The following RAPGEF1 variants were observed in gnomAD, a reference collection of about 807,000 sequenced individuals.
RAPGEF1 encodes the protein CRK SH3-binding GNRP.
RAPGEF1 carries 33 observed loss-of-function variants against 143.3 expected under a neutral mutation model. The ratio of observed to expected loss-of-function variants is 0.23; its 90% CI spans 0.17 to 0.31. The LOEUF (loss-of-function observed/expected upper bound fraction) is 0.31. Among genes scored for constraint, RAPGEF1 ranks in the 10% least tolerant of loss-of-function variants. The pLI is 1.00. For synonymous variants in RAPGEF1, 629 were observed against 676.5 expected, an observed-to-expected ratio of 0.93 and a Z score of 1.09; for missense variants, 1,199 against 1,645.4, an observed-to-expected ratio of 0.73 and a Z score of 4.69.
intron 1 of RAPGEF1, among the ~76,000 whole-genome samples, chr9:131,718,285 T>C (rs1307714110): frequency 6.7e-6 from 1 of 150,208 alleles, no homozygotes; most frequent in African/African-American, 2.5e-5. Context: ...TGTCAGGGAG[T>C]GAGTTAAGGG....
intron 3 of RAPGEF1, among the ~76,000 whole-genome samples, chr9:131,648,799 A>T (rs1970349100): frequency 6.6e-6 from 1 of 151,904 alleles, no homozygotes; most frequent in African/African-American, 2.4e-5. Context: ...ATTTTCCTCC[A>T]CTTTTAACTA....
At chr9:131,631,161 T>A (rs1277411982) in intron 5 of RAPGEF1, among the ~76,000 whole-genome samples, 3 of 141,772 alleles carry the variant, frequency 2.1e-5, no homozygotes, top group Non-Finnish European at 4.8e-5. Flanking sequence ...CATACACTTT[T>A]GTGTCAACCT....
intron 1 of RAPGEF1, among the ~76,000 whole-genome samples, chr9:131,737,767 A>C (rs1414352709): frequency 6.6e-6 from 1 of 152,090 alleles, no homozygotes; most frequent in Non-Finnish European, 1.5e-5. Context: ...GATCGAGACC[A>C]TATTGGCTAA....
chr9:131,625,626 T>C (rs79224757), intron 10 of RAPGEF1, among the ~76,000 whole-genome samples: 14,756 of 152,246 alleles, frequency 0.097, 831 homozygotes, highest in Middle Eastern at 0.28. Context: ...TCTGTCACTG[T>C]GATCAGGCCA....
At chr9:131,623,201 T>C (rs1274555405) in intron 10 of RAPGEF1, among the ~76,000 whole-genome samples, 1 of 152,158 alleles carries the variant, frequency 6.6e-6, no homozygotes, top group East Asian at 1.9e-4. Flanking sequence ...CACTGGCTCA[T>C]GCCTACAATC....
chr9:131,678,277 G>A (rs983844532), intron 1 of RAPGEF1, among the ~76,000 whole-genome samples: 16 of 152,148 alleles, frequency 1.1e-4, no homozygotes, highest in African/African-American at 3.6e-4. Flanking sequence ...GATAGGTTTT[G>A]TCCATTAAAA....
At chr9:131,661,052 T>G (rs1437128945) in intron 1 of RAPGEF1, among the ~76,000 whole-genome samples, 1 of 151,960 alleles carries the variant, frequency 6.6e-6, no homozygotes, top group Admixed American at 6.6e-5. Flanking sequence ...ACACTATCGG[T>G]GTTGTGGATG....
At chr9:131,669,493 G>A (rs567790927) in intron 1 of RAPGEF1, among the ~76,000 whole-genome samples, 34 of 152,128 alleles carry the variant, frequency 2.2e-4, no homozygotes, top group Non-Finnish European at 3.5e-4. Flanking sequence ...ACATTTACAC[G>A]CAAAGCACTT....
At chr9:131,597,883 G>A (rs960090562) in intron 16 of RAPGEF1, among the ~76,000 whole-genome samples, 1 of 152,184 alleles carries the variant, frequency 6.6e-6, no homozygotes, top group African/African-American at 2.4e-5. Flanking sequence ...CCGGCCACAT[G>A]CAGGCTCTGT....
intron 1 of RAPGEF1, among the ~76,000 whole-genome samples, chr9:131,737,926 C>T (rs1034711682): frequency 6.6e-6 from 1 of 151,002 alleles, no homozygotes; most frequent in Non-Finnish European, 1.5e-5. Context: ...CGAGATCGCA[C>T]CACTGCACTC....
chr9:131,630,855 T>C (rs1964647890), intron 5 of RAPGEF1, among the ~76,000 whole-genome samples: 2 of 151,916 alleles, frequency 1.3e-5, no homozygotes, highest in African/African-American at 2.4e-5. Flanking sequence ...GAAATCACTT[T>C]AGAACCATTA....
intron 1 of RAPGEF1, among the ~76,000 whole-genome samples, chr9:131,720,505 C>T (rs927135025): frequency 2.6e-5 from 4 of 152,228 alleles, no homozygotes; most frequent in East Asian, 1.9e-4. Context: ...AGAAACCAGG[C>T]GCCAGAGCCC....
At position 131,650,401 on chromosome 9, in the gene RAPGEF1, G is replaced by C. The variant is rs933851584; in HGVS notation, c.202-159C>G. Among the ~76,000 whole-genome samples, 1 of 152,212 alleles carries C rather than the reference G, an allele frequency of 6.6e-6. No individual in the cohort carries two copies. Among genetic ancestry groups the C allele is most frequent in the African/African-American group, 2.4e-5 (1 of 41,442 alleles). On this transcript the variant is annotated intron_variant, in intron 2 of 26. Coordinates refer to ENST00000683357, the MANE Select transcript of RAPGEF1 (RefSeq NM_001377935.1). This position sits in a 1 kb window ranked among gnomAD's most constrained non-coding sequence, Gnocchi z 4.7. ...AGGACATCTTTGGCTGTGTCTCAAG[G>C]GGTTTGCATGTTTCAGAGCACAGGC...
chr9:131,661,000 C>T (rs1285896611), intron 1 of RAPGEF1, among the ~76,000 whole-genome samples: 1 of 152,184 alleles, frequency 6.6e-6, no homozygotes, highest in African/African-American at 2.4e-5. Context: ...ACTGAGCTAC[C>T]ACCACAAACA....
chr9:131,598,049 A>C, intron 16 of RAPGEF1, 150 bp downstream of exon 16: 1 of 661,830 alleles, frequency 1.5e-6, no homozygotes, highest in South Asian at 1.9e-5. Context: ...TCCAGAGCCC[A>C]CAGCCCAGAG....
chr9:131,710,720 C>T (rs772794618), intron 1 of RAPGEF1, among the ~76,000 whole-genome samples: 2 of 152,052 alleles, frequency 1.3e-5, no homozygotes, highest in African/African-American at 2.4e-5. Flanking sequence ...GAAACCCTGT[C>T]GCTACTAACA....
At chr9:131,659,327 C>CT (rs60835419) in intron 1 of RAPGEF1, among the ~76,000 whole-genome samples, 281 of 151,304 alleles carry the variant, frequency 1.9e-3, no homozygotes, top group African/African-American at 5.2e-3. Flanking sequence ...AAGTCTGTGG[C>CT]TTTTTTTTTA....
At chr9:131,736,724 C>T (rs1275299474) in intron 1 of RAPGEF1, among the ~76,000 whole-genome samples, 1 of 152,158 alleles carries the variant, frequency 6.6e-6, no homozygotes, top group Non-Finnish European at 1.5e-5. Flanking sequence ...ACCCTGGATG[C>T]CTTAAGCACT....
intron 12 of RAPGEF1, among the ~76,000 whole-genome samples, chr9:131,608,192 C>T (rs1031155806): frequency 6.6e-6 from 1 of 152,206 alleles, no homozygotes; most frequent in African/African-American, 2.4e-5. Flanking sequence ...AGACGCAGAG[C>T]GCTGCGTGCA....
Sources: gnomAD v4.1 joint callset for allele counts (sites outside exome capture counted in the v4.1 genomes callset) on GRCh38, gnomAD v4.1.1 for gene constraint, Gnocchi (gnomAD v3.1) non-coding constraint, MANE v1.5 for transcripts, NCBI Gene and HGNC (gene_info 2026-07-23, HGNC 2026-07-21) for gene names.